Variants in FBXO34 observed in about 807,000 individuals in gnomAD.
The protein encoded by FBXO34 is F-box protein 34.
A neutral mutation model predicts 24.5 loss-of-function variants in FBXO34; 12 were observed. The observed-to-expected ratio is 0.49, with a 90% CI of 0.31 to 0.79. FBXO34 has a LOEUF of 0.79. FBXO34 is among the 30% of genes least tolerant of loss of function. The probability of loss-of-function intolerance (pLI) is 0.04; values close to 1 mark genes in which losing one functional copy is unlikely to be tolerated. For missense variants in FBXO34, 823 were observed against 857.7 expected, an observed-to-expected ratio of 0.96 and a Z score of 0.51; for synonymous variants, 320 against 311.9, an observed-to-expected ratio of 1.03 and a Z score of -0.27.
intron 1 of FBXO34, among the ~76,000 whole-genome samples, chr14:55,320,534 G>C (rs1181130574): frequency 6.6e-6 from 1 of 152,178 alleles, no homozygotes; most frequent in African/African-American, 2.4e-5. Flanking sequence ...GGCAGATCAC[G>C]AGGTCAGGAG....
rs1884403054 is a variant in FBXO34, at chr14:55,351,983, T to C, written c.1593T>C (p.Phe531=). The stretch of plus-strand genomic sequence containing the variant: ...AAAAAAGTGGGTCTGCTGAGCCATT[T>C]GTACTGCCAGCCTCTTCTGTGGAAA... ...SEEKSGSAEP[F]VLPASSVEST... Residue 531 remains phenylalanine (F), a synonymous_variant, in exon 2 of 2, where the codon TTT becomes TTC. Coordinates refer to ENST00000313833, the MANE Select transcript of FBXO34 (RefSeq NM_017943.4). 1.9e-6 allele frequency: 3 copies of C among 1,614,064 alleles called. No homozygotes were observed. The highest frequency in any genetic ancestry group is 2.7e-5 in the African/African-American group (2 of 74,912).
At chr14:55,377,848 C>G in the FBXO34 span, 1 of 1,600,222 alleles carries the variant, frequency 6.2e-7, no homozygotes, top group Non-Finnish European at 8.5e-7. Context: ...TTGGACTGAC[C>G]AGGTACATTA....
At chr14:55,442,320 C>T in the FBXO34 span, among the ~76,000 whole-genome samples, 2 of 150,798 alleles carry the variant, frequency 1.3e-5, no homozygotes, top group African/African-American at 4.9e-5. Flanking sequence ...ACCTGGGAGG[C>T]CGAGGTTGCA....
chr14:55,303,596 C>CTT (rs77688856), intron 1 of FBXO34, among the ~76,000 whole-genome samples: 59 of 139,284 alleles, frequency 4.2e-4, no homozygotes, highest in East Asian at 1.0e-3. Context: ...CCATTCTTAT[C>CTT]TTTTTTTTTT....
At chr14:55,356,762 C>A (rs1347196949), downstream of FBXO34, among the ~76,000 whole-genome samples, 2 of 151,872 alleles carry the variant, frequency 1.3e-5, no homozygotes, top group African/African-American at 4.8e-5. Flanking sequence ...CTGGCTGTTT[C>A]TGTTTTTTTG....
chr14:55,336,657 T>C (rs886372757), intron 1 of FBXO34, among the ~76,000 whole-genome samples: 5 of 152,174 alleles, frequency 3.3e-5, no homozygotes, highest in African/African-American at 9.7e-5. Context: ...GATCATCTCA[T>C]AGCCAGTCTT....
chr14:55,409,195 G>C, the FBXO34 span, among the ~76,000 whole-genome samples: 1 of 152,170 alleles, frequency 6.6e-6, no homozygotes, highest in Non-Finnish European at 1.5e-5. Flanking sequence ...CAGAGAGGAA[G>C]AGAAAAAGAA....
chr14:55,390,954 C>G, the FBXO34 span: 1 of 1,605,980 alleles, frequency 6.2e-7, no homozygotes, highest in Non-Finnish European at 8.5e-7. Flanking sequence ...TTTGTTTTAA[C>G]TGTTCAATCC....
downstream of FBXO34, among the ~76,000 whole-genome samples, chr14:55,374,246 G>A (rs1884878537): frequency 6.6e-6 from 1 of 151,924 alleles, no homozygotes; most frequent in African/African-American, 2.4e-5. Context: ...GGGTCTCACT[G>A]TGTTGCCCAG....
chr14:55,413,921 C>T, the FBXO34 span: 6 of 464,650 alleles, frequency 1.3e-5, no homozygotes, highest in Non-Finnish European at 1.7e-5. Flanking sequence ...TTTTGAAAAG[C>T]AGCCATTCCC....
At chr14:55,435,992 A>AAAGAC in the FBXO34 span, 1 of 1,151,690 alleles carries the variant, frequency 8.7e-7, no homozygotes, top group Non-Finnish European at 1.2e-6. Context: ...AAAAAAAAAA[A>AAAGAC]AGACAACTTA....
chr14:55,287,893 G>A (rs1881814593), intron 1 of FBXO34, among the ~76,000 whole-genome samples: 1 of 152,164 alleles, frequency 6.6e-6, no homozygotes, highest in Non-Finnish European at 1.5e-5. Flanking sequence ...TCGGCAATAA[G>A]CACTTTTTTT....
At chr14:55,357,651 T>C (rs1361726204), downstream of FBXO34, among the ~76,000 whole-genome samples, 2 of 152,048 alleles carry the variant, frequency 1.3e-5, no homozygotes, top group Non-Finnish European at 2.9e-5. Context: ...TCTGTCGTTG[T>C]ACAAAAAATA....
At chr14:55,383,761 C>CA in the FBXO34 span, among the ~76,000 whole-genome samples, 1 of 150,178 alleles carries the variant, frequency 6.7e-6, no homozygotes, top group East Asian at 1.9e-4. Context: ...CCTCTCAAAT[C>CA]AAAAAACAAA....
At chr14:55,281,326 T>G (rs1199323702) in intron 1 of FBXO34, among the ~76,000 whole-genome samples, 1 of 150,506 alleles carries the variant, frequency 6.6e-6, no homozygotes, top group Non-Finnish European at 1.5e-5. Flanking sequence ...AGGCCACATG[T>G]GGTTAGTGGC....
chr14:55,426,858 A>T, the FBXO34 span, among the ~76,000 whole-genome samples: 1 of 152,244 alleles, frequency 6.6e-6, no homozygotes, highest in African/African-American at 2.4e-5. Context: ...GGTAGTAATA[A>T]CAAGGGGCAC....
rs372839267 is a variant in FBXO34, at chr14:55,307,437, A to G, written c.-11+35900A>G. 1.7e-4 allele frequency among the ~76,000 whole-genome samples: 26 copies of G among 152,204 alleles called. No homozygotes were observed. The East Asian group carries it at 4.6e-3, about 27-fold the overall frequency. ...TGCTGCTGTTGGCATTTTTTCCCCC[A>G]CTTCTGTGATTAAACACTTAAGCTG... On this transcript the variant is annotated intron_variant, in intron 1 of 1. Coordinates refer to ENST00000313833, the MANE Select transcript of FBXO34 (RefSeq NM_017943.4).
At chr14:55,299,791 G>A (rs66696758) in intron 1 of FBXO34, among the ~76,000 whole-genome samples, 56,598 of 152,018 alleles carry the variant, frequency 0.37, 11,113 homozygotes, top group Non-Finnish European at 0.43. Context: ...TGACTTTCTA[G>A]CTTGCTATGG....
At chr14:55,365,169 C>CCACTA (rs1216253979), downstream of FBXO34, among the ~76,000 whole-genome samples, 51 of 149,500 alleles carry the variant, frequency 3.4e-4, 1 homozygote, top group Middle Eastern at 7.0e-3. Context: ...CGAGATCGTG[C>CCACTA]CACTACACTG....
Sources: allele counts gnomAD v4.1 joint callset (sites outside exome capture counted in the v4.1 genomes callset), GRCh38; gene constraint gnomAD v4.1.1; transcripts MANE v1.5; gene names NCBI Gene and HGNC (gene_info 2026-07-23, HGNC 2026-07-21).